ANGPTL6: variants seen among roughly 807,000 people sequenced by gnomAD.
ANGPTL6 encodes angiopoietin like 6, also known as angiopoietin-related protein 6.
ANGPTL6 carries 45 observed loss-of-function variants against 47.4 expected under a neutral mutation model. That is an observed-to-expected ratio of 0.95 (90% CI 0.75 to 1.22). The LOEUF is 1.22. Ranked by LOEUF, ANGPTL6 falls within the 50% of genes most tolerant of loss-of-function variation. The pLI, the probability that ANGPTL6 is intolerant of heterozygous loss-of-function variation, is 0.00. For synonymous variants in ANGPTL6, 290 were observed against 295.9 expected, an observed-to-expected ratio of 0.98 and a Z score of 0.20; for missense variants, 698 against 669.4, an observed-to-expected ratio of 1.04 and a Z score of -0.47.
chr19:10,102,537 T>C (rs940654384), intron 1 of ANGPTL6, 31 bp downstream of exon 1: 1 of 982,648 alleles, frequency 1.0e-6, no homozygotes, highest in South Asian at 4.7e-5. Flanking sequence ...ACAGTGAGAA[T>C]CAACCTCCAC....
At chr19:10,098,770 G>T (rs1413774344) in intron 1 of ANGPTL6, among the ~76,000 whole-genome samples, 1 of 151,590 alleles carries the variant, frequency 6.6e-6, no homozygotes, top group East Asian at 1.9e-4. Flanking sequence ...GTTGCAGTGA[G>T]CCGAGATCGC....
chr19:10,096,184 TCCGCCCCCGGGC>T lies in ANGPTL6; in HGVS notation c.368_379del (p.Gly123_Ala126del), dbSNP rs1409911971. 8.7e-6 allele frequency: 11 copies of T among 1,266,660 alleles called. No homozygotes were observed. In the East Asian group the frequency reaches 9.5e-5, roughly 11 times the overall value. 78.5% of individuals were successfully genotyped at this position (1,266,660 alleles called of 1,614,324 possible). A position where few individuals can be genotyped will look rare whatever the true frequency, so the allele number is the denominator to read the frequency against. ...CGCCGCGGCAGGCTCCGCCCCCAGATCCGCCCCCGGGCCCGCCCCGGGCCCCGCCTCGTGCTG... is the reference window on the plus strand; with the variant it reads ...CGCCGCGGCAGGCTCCGCCCCCAGATCCGCCCCGGGCCCCGCCTCGTGCTG... On this transcript the variant is annotated inframe_deletion, in exon 2 of 6. Transcript: ENST00000253109.
chr19:10,093,764 C>T lies in ANGPTL6; in HGVS notation c.880G>A (p.Gly294Arg), dbSNP rs201494217. Reference sequence around the variant, plus strand: ...CTCCGCTGGATCACAGTCCAGCCTCCACCCTCCAGTTGCTGCTCACACCAT... The same window carrying T: ...CTCCGCTGGATCACAGTCCAGCCTCTACCCTCCAGTTGCTGCTCACACCAT... ...SVWCEQQLEG[G>R]GWTVIQRRQD... The change falls in exon 4 of 6, where the codon GGA becomes AGA. Residue 294 changes from glycine (G) to arginine (R), a missense_variant. Physicochemically the swap from Gly to Arg is moderately radical, Grantham distance 125. Coordinates refer to ENST00000253109, the MANE Select transcript of ANGPTL6 (RefSeq NM_031917.3). 1.2e-6 allele frequency: 2 copies of T among 1,614,122 alleles called. No homozygotes were observed. The highest frequency in any genetic ancestry group is 1.7e-6 in the Non-Finnish European group (2 of 1,180,060).
In ANGPTL6 at chr19:10,096,035, G is replaced by C; in HGVS notation, c.529C>G (p.Leu177Val). The C allele has an allele frequency of 7.1e-7, 1 of 1,413,604 alleles. No homozygotes were observed. The highest frequency in any genetic ancestry group is 9.2e-7 in the Non-Finnish European group (1 of 1,081,466). 87.6% of individuals were successfully genotyped at this position (1,413,604 alleles called of 1,614,324 possible). Reference protein sequence around the residue: ...LAQLVTQQSSLIARLERLCPG... With the variant: ...LAQLVTQQSSVIARLERLCPG... ...CACAGGCGCTCCAGGCGGGCGATGAGACTGCTCTGCTGGGTGACGAGCTGC... is the reference window on the plus strand; with the variant it reads ...CACAGGCGCTCCAGGCGGGCGATGACACTGCTCTGCTGGGTGACGAGCTGC... Residue 177 changes from leucine (L) to valine (V), a missense_variant, in exon 2 of 6, where the codon CTC (leucine) becomes GTC (valine). Leu to Val is a conservative substitution (Grantham distance 32). Transcript: ENST00000253109.
chr19:10,104,317 G>T (rs913282535), upstream of ANGPTL6, among the ~76,000 whole-genome samples: 1 of 117,966 alleles, frequency 8.5e-6, no homozygotes, highest in Non-Finnish European at 1.8e-5. Flanking sequence ...TTGTGTGTGT[G>T]GTGTGTGTGT....
At position 10,096,175 on chromosome 19, in the gene ANGPTL6, GC is replaced by G; in HGVS notation, c.388del (p.Ala130ArgfsTer153). ...PGAGPGADLG[A>X]EPAAALALLG... ...CAGCGCCAGCGCCGCGGCAGGCTCC[GC>G]CCCCAGATCCGCCCCCGGGCCCGCC... On this transcript the variant is annotated frameshift_variant, in exon 2 of 6. Transcript: ENST00000253109. LOFTEE classifies it high-confidence loss of function. 3 of 1,294,942 alleles carry G rather than the reference GC, an allele frequency of 2.3e-6. No homozygotes were observed. Among genetic ancestry groups the G allele is most frequent in the Non-Finnish European group, 2.0e-6 (2 of 1,021,568 alleles). 80.2% of individuals were successfully genotyped at this position (1,294,942 alleles called of 1,614,324 possible). A position where few individuals can be genotyped will look rare whatever the true frequency, so the allele number is the denominator to read the frequency against.
At chr19:10,101,835 G>A (rs527531938) in intron 1 of ANGPTL6, among the ~76,000 whole-genome samples, 18 of 146,360 alleles carry the variant, frequency 1.2e-4, no homozygotes, top group Admixed American at 4.1e-4. Context: ...GGCCAGGTGC[G>A]GTGGCTCACG....
upstream of ANGPTL6, among the ~76,000 whole-genome samples, chr19:10,103,876 C>T (rs1026480601): frequency 8.1e-5 from 12 of 147,862 alleles, no homozygotes; most frequent in East Asian, 5.8e-4. Context: ...GGGCAGATCA[C>T]GAGGTCAGCA....
In ANGPTL6 at chr19:10,102,644, T is replaced by C. The variant is rs2088710695; in HGVS notation, c.-87A>G. On this transcript the variant is annotated 5_prime_UTR_variant, in exon 1 of 6. Transcript: ENST00000253109. ...GTCCAAGGAAGAGCCGAGGGTCCAG[T>C]GGGGCCTCTGAGCTAGAGACGGGGA... 3.0e-6 allele frequency: 3 copies of C among 984,568 alleles called. No homozygotes were observed. Among genetic ancestry groups the C allele is most frequent in the Non-Finnish European group, 2.4e-6 (2 of 829,422 alleles). The allele number at this position is 984,568 out of a possible 1,614,324, so 61.0% of individuals were successfully genotyped here. A position where few individuals can be genotyped will look rare whatever the true frequency, so the allele number is the denominator to read the frequency against.
At chr19:10,094,555 A>T (rs1355250667) in intron 3 of ANGPTL6, 24 of 660,486 alleles carry the variant, frequency 3.6e-5, no homozygotes, top group Non-Finnish European at 5.2e-5. Context: ...GCAGTCCCAA[A>T]CATCGCCTCA....
chr19:10,106,180 G>A (rs2088815464), upstream of ANGPTL6: 2 of 801,814 alleles, frequency 2.5e-6, no homozygotes, highest in South Asian at 1.9e-5. Context: ...CTGCAGCCCG[G>A]AGCCGCGTAG....
At chr19:10,102,812 G>T (rs370636606), upstream of ANGPTL6, 847 of 975,926 alleles carry the variant, frequency 8.7e-4, 13 homozygotes, top group South Asian at 0.035. Context: ...AGACAGAATT[G>T]CCAGACCCCC....
Position 10,096,529 on chromosome 19 carries a change from A to G in ANGPTL6, c.35T>C (p.Leu12Pro). 2 of 1,515,546 alleles carry G rather than the reference A, an allele frequency of 1.3e-6. No homozygotes were observed. Among genetic ancestry groups the G allele is most frequent in the Non-Finnish European group, 1.8e-6 (2 of 1,138,466 alleles). 93.9% of individuals were successfully genotyped at this position (1,515,546 alleles called of 1,614,324 possible). A position where few individuals can be genotyped will look rare whatever the true frequency, so the allele number is the denominator to read the frequency against. Reference protein sequence around the residue: ...GKPWLRALQLLLLLGASWARA... With the variant: ...GKPWLRALQLPLLLGASWARA... ...CGCCCACGACGCGCCCAGCAGGAGC[A>G]GCAGCTGTAGCGCACGCAGCCAGGG... is the stretch of plus-strand genomic sequence containing the variant. Residue 12 changes from leucine (L) to proline (P), a missense_variant, in exon 2 of 6, where the codon CTG (leucine) becomes CCG (proline). Physicochemically the swap from Leu to Pro is moderately conservative, Grantham distance 98. Coordinates refer to ENST00000253109, the MANE Select transcript of ANGPTL6 (RefSeq NM_031917.3).
upstream of ANGPTL6, among the ~76,000 whole-genome samples, chr19:10,103,955 T>C (rs1002699370): frequency 5.3e-5 from 8 of 151,162 alleles, no homozygotes; most frequent in Non-Finnish European, 1.0e-4. Flanking sequence ...TTGCCGGGTG[T>C]GGTGGCCCAT....
chr19:10,102,663 A>T lies in ANGPTL6; in HGVS notation c.-106T>A, dbSNP rs547564982. On this transcript the variant is annotated 5_prime_UTR_variant, in exon 1 of 6. Coordinates refer to ENST00000253109, the MANE Select transcript of ANGPTL6 (RefSeq NM_031917.3). Reference sequence around the variant, plus strand: ...GTCCAGTGGGGCCTCTGAGCTAGAGACGGGGAGAGGGCAGTGGGACAGAAG... The same window carrying T: ...GTCCAGTGGGGCCTCTGAGCTAGAGTCGGGGAGAGGGCAGTGGGACAGAAG... 1 of 984,802 alleles carries T rather than the reference A, an allele frequency of 1.0e-6. No homozygotes were observed. Among genetic ancestry groups the T allele is most frequent in the South Asian group, 4.7e-5 (1 of 21,286 alleles). 61.0% of individuals were successfully genotyped at this position (984,802 alleles called of 1,614,324 possible).
Position 10,096,459 on chromosome 19 carries a change from CG to C in ANGPTL6, c.104del (p.Pro35ArgfsTer69). On this transcript the variant is annotated frameshift_variant, in exon 2 of 6. Transcript: ENST00000253109. LOFTEE classifies it high-confidence loss of function. ...PRCTYTFVLP[P>X]QKFTGAVCWS... ...AGCACACAGCGCCCGTGAACTTCTG[CG>C]GGGGCAGCACGAAGGTGTAGGTGCA... 1 of 1,472,368 alleles carries C rather than the reference CG, an allele frequency of 6.8e-7. No individual in the cohort carries two copies. Among genetic ancestry groups the C allele is most frequent in the Non-Finnish European group, 8.9e-7 (1 of 1,120,644 alleles). The allele number at this position is 1,472,368 out of a possible 1,614,324, so 91.2% of individuals were successfully genotyped here. A position where few individuals can be genotyped will look rare whatever the true frequency, so the allele number is the denominator to read the frequency against.
intron 1 of ANGPTL6, among the ~76,000 whole-genome samples, chr19:10,099,645 C>G (rs1261985065): frequency 6.6e-6 from 1 of 151,398 alleles, no homozygotes; most frequent in Non-Finnish European, 1.5e-5. Context: ...CTCCCAGGCC[C>G]TTCCTCACAC....
In ANGPTL6 at chr19:10,099,225, C is replaced by A. The variant is rs1401141745; in HGVS notation, c.-10-2652G>T. ...TCACGTCCCTCCCTCCCTCCTCTGC[C>A]CTGAATCCTTCTTGGCTCCCACCTC... is the stretch of plus-strand genomic sequence containing the variant. On this transcript the variant is annotated intron_variant, in intron 1 of 5. Coordinates refer to ENST00000253109, the MANE Select transcript of ANGPTL6 (RefSeq NM_031917.3). Among the ~76,000 whole-genome samples the A allele has an allele frequency of 2.0e-5, 3 of 152,058 alleles. No homozygotes were observed. The East Asian group carries it at 5.8e-4, about 29-fold the overall frequency.
chr19:10,093,779 G>C lies in ANGPTL6; in HGVS notation c.865C>G (p.Gln289Glu). 1 of 1,614,182 alleles carries C rather than the reference G, an allele frequency of 6.2e-7. No homozygotes were observed. The highest frequency in any genetic ancestry group is 8.5e-7 in the Non-Finnish European group (1 of 1,180,044). ...GTCCAGCCTCCACCCTCCAGTTGCTGCTCACACCATACTGACACTACGTGA... is the reference window on the plus strand; with the variant it reads ...GTCCAGCCTCCACCCTCCAGTTGCTCCTCACACCATACTGACACTACGTGA... ...GRHVVSVWCE[Q>E]QLEGGGWTVI... The change falls in exon 4 of 6, where the codon CAG becomes GAG. Residue 289 changes from glutamine to glutamate, a missense_variant. Transcript: ENST00000253109.
Sources: allele counts gnomAD v4.1 joint callset (sites outside exome capture counted in the v4.1 genomes callset), GRCh38; gene constraint gnomAD v4.1.1; transcripts MANE v1.5; gene names NCBI Gene and HGNC (gene_info 2026-07-23, HGNC 2026-07-21).